PPP1R12B: variants seen among roughly 807,000 people sequenced by gnomAD.
PPP1R12B encodes the protein myosin phosphatase target subunit 2.
In PPP1R12B, 76 loss-of-function variants were observed where a neutral mutation model predicts 126.1. The ratio of observed to expected loss-of-function variants is 0.60; its 90% CI spans 0.50 to 0.73. The LOEUF is 0.73. Among genes scored for constraint, PPP1R12B ranks in the 30% least tolerant of loss-of-function variants. PPP1R12B has a pLI of 0.00. For synonymous variants in PPP1R12B, 356 were observed against 434.7 expected (o/e 0.82, Z 2.25); for missense variants, 1,052 against 1,205.1 (o/e 0.87, Z 1.88).
chr1:202,535,829 A>C (rs1684474679), intron 18 of PPP1R12B, among the ~76,000 whole-genome samples: 1 of 152,258 alleles, frequency 6.6e-6, no homozygotes, highest in Non-Finnish European at 1.5e-5. Context: ...AGAAAGGAAC[A>C]ATAAATGCTT....
chr1:202,418,809 G>T (rs1246088120), intron 2 of PPP1R12B, among the ~76,000 whole-genome samples: 1 of 151,362 alleles, frequency 6.6e-6, no homozygotes, highest in East Asian at 1.9e-4. Flanking sequence ...TTTTTAATAT[G>T]CAATGGAAAA....
At chr1:202,433,458 C>T (rs531411560) in intron 8 of PPP1R12B, among the ~76,000 whole-genome samples, 3 of 152,304 alleles carry the variant, frequency 2.0e-5, no homozygotes, top group Non-Finnish European at 4.4e-5. Flanking sequence ...CCACCTCCCT[C>T]ACTCTATCTT....
chr1:202,368,127 AC>A (rs1477040517), intron 1 of PPP1R12B, among the ~76,000 whole-genome samples: 1 of 151,718 alleles, frequency 6.6e-6, no homozygotes, highest in East Asian at 1.9e-4. Flanking sequence ...CTGCCACCAC[AC>A]CCGGCTAATT....
intron 21 of PPP1R12B, among the ~76,000 whole-genome samples, chr1:202,566,519 A>C (rs1329668902): frequency 6.6e-6 from 1 of 152,222 alleles, no homozygotes; most frequent in Non-Finnish European, 1.5e-5. Flanking sequence ...ACTCTAAGGG[A>C]GTCAACATTA....
At chr1:202,464,803 TAAA>T (rs1674772353) in intron 13 of PPP1R12B, among the ~76,000 whole-genome samples, 1 of 152,164 alleles carries the variant, frequency 6.6e-6, no homozygotes, top group Non-Finnish European at 1.5e-5. Flanking sequence ...AACTGTATGA[TAAA>T]AAAGGGACAT....
At chr1:202,543,309 C>T (rs935077383) in intron 18 of PPP1R12B, among the ~76,000 whole-genome samples, 8 of 152,028 alleles carry the variant, frequency 5.3e-5, no homozygotes, top group Middle Eastern at 3.2e-3. Context: ...AATGAAAAAT[C>T]ACTCATATAT....
At chr1:202,499,656 G>T (rs559329974) in intron 18 of PPP1R12B, among the ~76,000 whole-genome samples, 5 of 152,152 alleles carry the variant, frequency 3.3e-5, no homozygotes, top group Non-Finnish European at 5.9e-5. Flanking sequence ...AAATATCTAT[G>T]GTTTTTCCCC....
intron 19 of PPP1R12B, among the ~76,000 whole-genome samples, 183 bp downstream of exon 19, chr1:202,559,076 T>A (rs1166024195): frequency 6.6e-6 from 1 of 152,236 alleles, no homozygotes; most frequent in Non-Finnish European, 1.5e-5. Flanking sequence ...TGGAACAAGC[T>A]TTTCAATTTA....
chr1:202,500,973 A>G (rs536946094), intron 18 of PPP1R12B, among the ~76,000 whole-genome samples: 1 of 152,358 alleles, frequency 6.6e-6, no homozygotes, highest in East Asian at 1.9e-4. Flanking sequence ...CATAGTGCAT[A>G]GTTTTAGTCT....
intron 1 of PPP1R12B, among the ~76,000 whole-genome samples, chr1:202,383,718 T>C (rs1036864044): frequency 2.0e-5 from 3 of 152,024 alleles, no homozygotes; most frequent in African/African-American, 7.2e-5. Context: ...AATAAGACTG[T>C]GTCTCAAAAA....
intron 1 of PPP1R12B, among the ~76,000 whole-genome samples, chr1:202,416,196 C>T (rs1668034268): frequency 6.6e-6 from 1 of 152,140 alleles, no homozygotes; most frequent in Non-Finnish European, 1.5e-5. Flanking sequence ...TTAGAAATCG[C>T]TTTCACAATT....
At chr1:202,439,038 A>G in intron 10 of PPP1R12B, 2 of 1,369,438 alleles carry the variant, frequency 1.5e-6, no homozygotes, top group Non-Finnish European at 2.1e-6. Context: ...CAGTGGGCGG[A>G]CTTCATCCTG....
rs920671745 is a variant in PPP1R12B, at chr1:202,440,578, A to C, written c.1459-128A>C. 1.4e-5 allele frequency: 9 copies of C among 633,042 alleles called. No homozygotes were observed. The Admixed American group carries it at 2.0e-4, about 14-fold the overall frequency. The allele number at this position is 633,042 out of a possible 1,614,324, so 39.2% of individuals were successfully genotyped here. A position where few individuals can be genotyped will look rare whatever the true frequency, so the allele number is the denominator to read the frequency against. Reference sequence around the variant, plus strand: ...CTAACCTTTTGTAAATACCACTCAAAATAGAATTAGTGTTGGATCCAGAAA... The same window carrying C: ...CTAACCTTTTGTAAATACCACTCAACATAGAATTAGTGTTGGATCCAGAAA... On this transcript the variant is annotated intron_variant, in intron 10 of 23. Coordinates refer to ENST00000608999, the MANE Select transcript of PPP1R12B (RefSeq NM_002481.4).
At chr1:202,494,562 T>C (rs1007993911) in intron 15 of PPP1R12B, among the ~76,000 whole-genome samples, 7 of 147,930 alleles carry the variant, frequency 4.7e-5, no homozygotes. Context: ...TTAGGCTCTA[T>C]CTGTCCTAAT....
intron 1 of PPP1R12B, among the ~76,000 whole-genome samples, chr1:202,402,666 A>G (rs1281826102): frequency 6.6e-6 from 1 of 152,186 alleles, no homozygotes; most frequent in East Asian, 1.9e-4. Flanking sequence ...CATAGCCAGC[A>G]TTTCCTTGGC....
At chr1:202,514,243 G>T (rs1681856789) in intron 18 of PPP1R12B, among the ~76,000 whole-genome samples, 2 of 151,950 alleles carry the variant, frequency 1.3e-5, no homozygotes, top group African/African-American at 2.4e-5. Context: ...CTTTTGAAAA[G>T]TCTCTGTTCC....
At chr1:202,555,069 T>C (rs1166354161) in intron 18 of PPP1R12B, among the ~76,000 whole-genome samples, 1 of 152,050 alleles carries the variant, frequency 6.6e-6, no homozygotes, top group African/African-American at 2.4e-5. Context: ...TGCTAACCTA[T>C]TTTTTGTGTT....
intron 1 of PPP1R12B, among the ~76,000 whole-genome samples, chr1:202,384,505 A>AT (rs1662821328): frequency 1.3e-5 from 2 of 152,190 alleles, no homozygotes. Context: ...GAAAAGACAA[A>AT]TCCACAGAAA....
intron 22 of PPP1R12B, 85 bp from the exon 23 acceptor site, chr1:202,569,062 T>C (rs751317593): frequency 1.4e-6 from 2 of 1,446,388 alleles, no homozygotes; most frequent in Non-Finnish European, 1.9e-6. Context: ...ACCGTGAATC[T>C]GCTGATCACA....
Sources: allele counts gnomAD v4.1 joint callset (sites outside exome capture counted in the v4.1 genomes callset), GRCh38; gene constraint gnomAD v4.1.1; transcripts MANE v1.5; gene names NCBI Gene and HGNC (gene_info 2026-07-23, HGNC 2026-07-21).